The following EIF4G2 variants were observed in gnomAD, a reference collection of about 807,000 sequenced individuals.
EIF4G2 encodes eukaryotic translation initiation factor 4 gamma 2.
A neutral mutation model predicts 117.7 loss-of-function variants in EIF4G2; 8 were observed. That is an observed-to-expected ratio of 0.07 (90% CI 0.04 to 0.12). The LOEUF (loss-of-function observed/expected upper bound fraction) is 0.12, where lower values mean the gene tolerates loss of function less well. Ranked by LOEUF, EIF4G2 falls within the 10% of genes least tolerant of loss-of-function variation. EIF4G2 has a pLI of 1.00. For missense variants in EIF4G2, 812 were observed against 1,086.2 expected (o/e 0.75, Z 3.55); for synonymous variants, 413 against 367.8 (o/e 1.12, Z -1.41).
In EIF4G2 at chr11:10,800,963, T is replaced by C. The variant is rs2135408572; in HGVS notation, c.1538A>G (p.Gln513Arg). The C allele has an allele frequency of 6.2e-7, 1 of 1,614,196 alleles. No homozygotes were observed. The highest frequency in any genetic ancestry group is 8.5e-7 in the Non-Finnish European group (1 of 1,180,012). The change falls in exon 15 of 22, where the codon CAG becomes CGG. Residue 513 changes from glutamine (Q) to arginine (R), a missense_variant and splice_region_variant. Gln to Arg is a conservative substitution (Grantham distance 43). Coordinates refer to ENST00000339995, the MANE Select transcript of EIF4G2 (RefSeq NM_001418.4). ...ATGCTGTCCTACTATGGTCTGTACC[T>C]GTCCCAGAGGTGGTGTTTGAGTGCG...
rs2135401754 is a variant in EIF4G2 at position 10,797,507 on chromosome 11, T to C, written c.*309A>G. On this transcript the variant is annotated 3_prime_UTR_variant, in exon 22 of 22. Transcript: ENST00000339995. This position sits in a 1 kb window ranked among gnomAD's most constrained non-coding sequence, Gnocchi z 4.5. The stretch of plus-strand genomic sequence containing the variant: ...CAGTTTTCTAACTTAAAACAGCCTA[T>C]GATAACTGGCAGCAAAGAAGGTCCT... 3 of 302,682 alleles carry C rather than the reference T, an allele frequency of 9.9e-6. No individual in the cohort carries two copies. Among genetic ancestry groups the C allele is most frequent in the East Asian group, 7.2e-5 (1 of 13,954 alleles). The allele number at this position is 302,682 out of a possible 1,614,324, so 18.7% of individuals were successfully genotyped here.
At chr11:10,801,254 ATTT>A in intron 14 of EIF4G2, 167 bp from the exon 15 acceptor site, 1 of 924,240 alleles carries the variant, frequency 1.1e-6, no homozygotes, top group Non-Finnish European at 1.6e-6. Flanking sequence ...TTGGCAAAAA[ATTT>A]AAAGATCTGA....
In EIF4G2 at chr11:10,801,200, T is replaced by C. The variant is rs1590040593; in HGVS notation, c.1414-113A>G. 23 of 1,450,824 alleles carry C rather than the reference T, an allele frequency of 1.6e-5. No individual in the cohort carries two copies. The East Asian group carries it at 4.0e-4, about 25-fold the overall frequency. 89.9% of individuals were successfully genotyped at this position (1,450,824 alleles called of 1,614,324 possible). A position where few individuals can be genotyped will look rare whatever the true frequency, so the allele number is the denominator to read the frequency against. On this transcript the variant is annotated intron_variant, in intron 14 of 21. Transcript: ENST00000339995. The stretch of plus-strand genomic sequence containing the variant: ...CAGAATCTAGGGAAACATTAAGCTT[T>C]TTGAAAAACTAAAGAAGGTACTCCA...
chr11:10,801,524 AAG>A (rs756186459), intron 14 of EIF4G2, 135 bp downstream of exon 14: 7 of 866,120 alleles, frequency 8.1e-6, no homozygotes, highest in African/African-American at 6.6e-5. Context: ...AAGAAAGAAA[AAG>A]AAGTATAGAA....
chr11:10,798,000 T>A lies in EIF4G2; in HGVS notation c.2659-119A>T. The A allele has an allele frequency of 1.2e-6, 1 of 860,584 alleles. No homozygotes were observed. The highest frequency in any genetic ancestry group is 1.9e-6 in the Non-Finnish European group (1 of 538,996). The allele number at this position is 860,584 out of a possible 1,614,324, so 53.3% of individuals were successfully genotyped here. ...GAAACAAGGATATCCCTACCAACAATTTGTATATTAAGTTAACGAACAGTG... is the reference window on the plus strand; with the variant it reads ...GAAACAAGGATATCCCTACCAACAAATTGTATATTAAGTTAACGAACAGTG... On this transcript the variant is annotated intron_variant, in intron 21 of 21. Transcript: ENST00000339995. This position sits in a 1 kb window ranked among gnomAD's most constrained non-coding sequence, Gnocchi z 4.5.
At chr11:10,804,664 G>C (rs566450641) in intron 5 of EIF4G2, 1 of 602,144 alleles carries the variant, frequency 1.7e-6, no homozygotes, top group Non-Finnish European at 2.8e-6. Flanking sequence ...TTCCACAAAA[G>C]AAAAAGAACA....
At chr11:10,806,192 C>T (rs1275804506) in intron 3 of EIF4G2, 145 bp from the exon 4 acceptor site, 7 of 1,073,952 alleles carry the variant, frequency 6.5e-6, no homozygotes, top group African/African-American at 6.4e-5. Context: ...GCTTCTGGAA[C>T]AGTAGTGTGC....
rs1847483335 is a variant in EIF4G2, at chr11:10,803,488, G to T, written c.805C>A (p.Arg269=). The T allele has an allele frequency of 6.2e-7, 1 of 1,613,744 alleles. No individual in the cohort carries two copies. The highest frequency in any genetic ancestry group is 1.1e-5 in the South Asian group (1 of 91,070). ...ATCAGCTACACACGTACCTTGGCTC[G>T]TTCATGGTCTAATCTAGGTCCCACT... Residue 269 remains arginine (R), a synonymous_variant, in exon 9 of 22, where the codon CGA becomes AGA. Transcript: ENST00000339995. The surrounding 1 kb of genome is among the most constrained non-coding windows in gnomAD (Gnocchi z 4.0).
chr11:10,803,622 TTTAG>T lies in EIF4G2; in HGVS notation c.703-36_703-33del. The T allele has an allele frequency of 6.4e-7, 1 of 1,571,658 alleles. No homozygotes were observed. Among genetic ancestry groups the T allele is most frequent in the Non-Finnish European group, 8.7e-7 (1 of 1,144,052 alleles). On this transcript the variant is annotated intron_variant, in intron 8 of 21. Transcript: ENST00000339995. The surrounding 1 kb of genome is among the most constrained non-coding windows in gnomAD (Gnocchi z 4.0). ...GAATAAAAGGCCATGGTGACAAAGT[TTTAG>T]TTACTCTGGTTTAGGCGTAGTACTT...
chr11:10,799,520 C>T (rs755322310), intron 19 of EIF4G2, 32 bp downstream of exon 19: 2 of 1,610,186 alleles, frequency 1.2e-6, no homozygotes, highest in South Asian at 2.2e-5. Context: ...GTACATGAAA[C>T]ATTACCATAT....
At position 10,802,894 on chromosome 11, in the gene EIF4G2, C is replaced by T. The variant is rs552562319; in HGVS notation, c.996+136G>A. ...AAAATAAAAAAATAAAAGTGGAAGACGAGACACTAAAAACATTAAGCTCCA... is the reference window on the plus strand; with the variant it reads ...AAAATAAAAAAATAAAAGTGGAAGATGAGACACTAAAAACATTAAGCTCCA... On this transcript the variant is annotated intron_variant, in intron 11 of 21. Coordinates refer to ENST00000339995, the MANE Select transcript of EIF4G2 (RefSeq NM_001418.4). 137 of 709,226 alleles carry T rather than the reference C, an allele frequency of 1.9e-4. 2 individuals are homozygous for T. The Middle Eastern group carries it at 3.3e-3, about 17-fold the overall frequency. 43.9% of individuals were successfully genotyped at this position (709,226 alleles called of 1,614,324 possible).
At chr11:10,798,860 G>A in intron 21 of EIF4G2, 132 bp downstream of exon 21, 2 of 1,034,916 alleles carry the variant, frequency 1.9e-6, no homozygotes, top group Non-Finnish European at 1.4e-6. Context: ...AGTGCAGAAT[G>A]AAATGTACAG....
At chr11:10,807,106 A>G (rs1310646882) in intron 2 of EIF4G2, 149 bp downstream of exon 2, 1 of 1,255,028 alleles carries the variant, frequency 8.0e-7, no homozygotes, top group African/African-American at 1.5e-5. Context: ...TTTATTCTTC[A>G]GATGGCAGTT....
At position 10,800,712 on chromosome 11, in the gene EIF4G2, T is replaced by A. The variant is rs758741749; in HGVS notation, c.1644+19A>T. The A allele has an allele frequency of 6.2e-7, 1 of 1,613,930 alleles. No homozygotes were observed. Among genetic ancestry groups the A allele is most frequent in the African/African-American group, 1.3e-5 (1 of 74,912 alleles). On this transcript the variant is annotated intron_variant, in intron 16 of 21. Transcript: ENST00000339995. ...CAAATACAGGCTAATTACACTAAAATGGGATATTTGAAACTTACAGTTAGT... is the reference window on the plus strand; with the variant it reads ...CAAATACAGGCTAATTACACTAAAAAGGGATATTTGAAACTTACAGTTAGT...
At position 10,799,116 on chromosome 11, in the gene EIF4G2, TAAAAAAAA is replaced by T. The variant is rs372541323; in HGVS notation, c.2537-11_2537-4del. On this transcript the variant is annotated splice_polypyrimidine_tract_variant and splice_region_variant and intron_variant, in intron 20 of 21. Transcript: ENST00000339995. ...CACAAAAAAGCGAAGTAACATGCCTTAAAAAAAAAAAAAAAAAGAAAAAAGTAATAAGC... is the reference window on the plus strand; with the variant it reads ...CACAAAAAAGCGAAGTAACATGCCTTAAAAAAAAAGAAAAAAGTAATAAGC... 8 of 1,469,338 alleles carry T rather than the reference TAAAAAAAA, an allele frequency of 5.4e-6. No individual in the cohort carries two copies. In the African/African-American group the frequency reaches 8.9e-5, roughly 16 times the overall value. 91.0% of individuals were successfully genotyped at this position (1,469,338 alleles called of 1,614,324 possible). A position where few individuals can be genotyped will look rare whatever the true frequency, so the allele number is the denominator to read the frequency against.
chr11:10,806,804 T>A lies in EIF4G2; in HGVS notation c.107+16A>T, dbSNP rs1182643030. 6.2e-7 allele frequency: 1 copy of A among 1,613,650 alleles called. No individual in the cohort carries two copies. The highest frequency in any genetic ancestry group is 1.7e-5 in the Admixed American group (1 of 60,006). On this transcript the variant is annotated intron_variant, in intron 3 of 21. Coordinates refer to ENST00000339995, the MANE Select transcript of EIF4G2 (RefSeq NM_001418.4). ...TGTTAAATAAAGCTCACTGTTTTTT[T>A]ACATGTTTACCACACCTGTTGCCAG...
intron 21 of EIF4G2, among the ~76,000 whole-genome samples, chr11:10,798,114 AAAAGGTAGG>A (rs1168239820): frequency 6.6e-6 from 1 of 152,202 alleles, no homozygotes; most frequent in African/African-American, 2.4e-5. Context: ...ATCAGCAATA[AAAAGGTAGG>A]AAGATGCTGC....
At chr11:10,807,553 A>C in intron 1 of EIF4G2, 172 bp from the exon 2 acceptor site, 4 of 1,279,872 alleles carry the variant, frequency 3.1e-6, no homozygotes, top group Non-Finnish European at 3.9e-6. Flanking sequence ...AGCCACCTGG[A>C]AATTCCCCGG....
chr11:10,801,201 TTGAAAAA>T, intron 14 of EIF4G2, 114 bp from the exon 15 acceptor site: 1 of 1,451,686 alleles, frequency 6.9e-7, no homozygotes, highest in African/African-American at 1.4e-5. Flanking sequence ...ATTAAGCTTT[TTGAAAAA>T]CTAAAGAAGG....
Sources: gnomAD v4.1 joint callset for allele counts (sites outside exome capture counted in the v4.1 genomes callset) on GRCh38, gnomAD v4.1.1 for gene constraint, Gnocchi (gnomAD v3.1) non-coding constraint, MANE v1.5 for transcripts, NCBI Gene and HGNC (gene_info 2026-07-23, HGNC 2026-07-21) for gene names.